SYCP2: variants seen among roughly 807,000 people sequenced by gnomAD.
SYCP2 encodes the protein synaptonemal complex protein 2, also known as synaptonemal complex lateral element protein.
In SYCP2, 55 loss-of-function variants were observed where a neutral mutation model predicts 211.3. The ratio of observed to expected loss-of-function variants is 0.26; its 90% confidence interval spans 0.21 to 0.33. SYCP2 has a LOEUF of 0.33. Ranked by LOEUF, SYCP2 falls within the 10% of genes least tolerant of loss-of-function variation. SYCP2 has a pLI of 1.00. For synonymous variants in SYCP2, 570 were observed against 555.2 expected (o/e 1.03, Z -0.37); for missense variants, 1,731 against 1,752.0 (o/e 0.99, Z 0.21).
intron 15 of SYCP2, among the ~76,000 whole-genome samples, chr20:59,902,121 C>T (rs925549956): frequency 6.6e-6 from 1 of 151,982 alleles, no homozygotes; most frequent in Non-Finnish European, 1.5e-5. Context: ...TCTGAGAATA[C>T]TATTTTCTTA....
At chr20:59,929,281 T>C (rs908054989) in intron 2 of SYCP2, among the ~76,000 whole-genome samples, 2 of 150,440 alleles carry the variant, frequency 1.3e-5, no homozygotes, top group African/African-American at 4.8e-5. Flanking sequence ...ATAAAGGAAA[T>C]TGGAAATCAT....
intron 7 of SYCP2, among the ~76,000 whole-genome samples, chr20:59,918,415 C>A (rs139199588): frequency 6.6e-6 from 1 of 152,256 alleles, no homozygotes; most frequent in African/African-American, 2.4e-5. Context: ...CACAAATTTG[C>A]AGGGAATATA....
chr20:59,917,673 G>A (rs1218416883), intron 7 of SYCP2, among the ~76,000 whole-genome samples: 3 of 151,940 alleles, frequency 2.0e-5, no homozygotes, highest in Admixed American at 2.0e-4. Flanking sequence ...AAGACAACAA[G>A]TACCTTTATT....
At chr20:59,868,385 T>A in intron 38 of SYCP2, 28 bp downstream of exon 38, 1 of 1,589,664 alleles carries the variant, frequency 6.3e-7, no homozygotes, top group South Asian at 1.2e-5. Context: ...AATAACTGCA[T>A]TTTGATACAG....
chr20:59,866,462 CAA>C (rs773381515), intron 40 of SYCP2, 31 bp downstream of exon 40: 31 of 1,581,742 alleles, frequency 2.0e-5, no homozygotes, highest in South Asian at 1.0e-4. Flanking sequence ...ATGTAGCATT[CAA>C]AAGTTTTCAG....
intron 34 of SYCP2, 110 bp from the exon 35 acceptor site, chr20:59,874,171 A>G (rs1173418573): frequency 5.5e-6 from 3 of 543,892 alleles, no homozygotes; most frequent in Non-Finnish European, 9.0e-6. Flanking sequence ...AGATCTTCAA[A>G]TCTTAGCTAT....
chr20:59,901,625 T>C (rs201864644), intron 16 of SYCP2, 37 bp downstream of exon 16: 64 of 1,240,880 alleles, frequency 5.2e-5, no homozygotes, highest in Middle Eastern at 4.0e-4. Flanking sequence ...TCCAGAATTA[T>C]GAAAATAGTA....
At chr20:59,876,152 C>T (rs2145639948) in intron 33 of SYCP2, among the ~76,000 whole-genome samples, 1 of 151,760 alleles carries the variant, frequency 6.6e-6, no homozygotes, top group African/African-American at 2.4e-5. Context: ...GCGGGCAGAT[C>T]ATGAGGTCAA....
intron 31 of SYCP2, among the ~76,000 whole-genome samples, chr20:59,879,862 TAC>T (rs1236840424): frequency 2.8e-4 from 32 of 116,078 alleles, no homozygotes; most frequent in Non-Finnish European, 3.8e-4. Flanking sequence ...TATATATATA[TAC>T]ACACACACAC....
chr20:59,916,933 T>C (rs964697958), intron 7 of SYCP2, among the ~76,000 whole-genome samples: 2 of 151,578 alleles, frequency 1.3e-5, no homozygotes, highest in African/African-American at 2.4e-5. Flanking sequence ...TAAAAATAAA[T>C]AAAGAGTTAG....
intron 35 of SYCP2, among the ~76,000 whole-genome samples, chr20:59,873,091 C>A (rs1419849845): frequency 4.6e-5 from 7 of 152,026 alleles, no homozygotes; most frequent in Non-Finnish European, 8.8e-5. Flanking sequence ...TAGTACCTCA[C>A]CCTATTATAC....
rs1484250938 is a variant in SYCP2, at chr20:59,900,255, T to A, written c.1287A>T (p.Pro429=). ...QILVPESQIS[P]VGEELVSLKE... ...TTAAACTAACGAGCTCTTCTCCGAC[T>A]GGTGAGATTTGACTTTCTGGCACTA... The change falls in exon 18 of 45, where the codon CCA becomes CCT. Residue 429 remains proline (P), a synonymous_variant. Coordinates refer to ENST00000357552, the MANE Select transcript of SYCP2 (RefSeq NM_014258.4). 6.2e-7 allele frequency: 1 copy of A among 1,608,598 alleles called. No homozygotes were observed. The highest frequency in any genetic ancestry group is 1.7e-5 in the Admixed American group (1 of 59,130).
intron 36 of SYCP2, among the ~76,000 whole-genome samples, chr20:59,869,357 T>C (rs1382456491): frequency 6.6e-6 from 1 of 151,792 alleles, no homozygotes; most frequent in Admixed American, 6.6e-5. Flanking sequence ...TACATATACC[T>C]ACCCATCCAC....
At chr20:59,877,283 A>C (rs924578237) in intron 33 of SYCP2, 102 bp downstream of exon 33, 12 of 813,766 alleles carry the variant, frequency 1.5e-5, no homozygotes, top group Non-Finnish European at 2.0e-5. Flanking sequence ...AAAAGAAGTT[A>C]ACTCTTAAGA....
chr20:59,867,587 A>C, intron 39 of SYCP2, 124 bp downstream of exon 39: 1 of 708,950 alleles, frequency 1.4e-6, no homozygotes, highest in South Asian at 2.0e-5. Flanking sequence ...TTCACATATA[A>C]GGAAAGTTGG....
At chr20:59,912,554 T>C (rs1441205967) in intron 12 of SYCP2, 136 bp from the exon 13 acceptor site, 1 of 423,840 alleles carries the variant, frequency 2.4e-6, no homozygotes. Flanking sequence ...CATATTTCCC[T>C]CTTTAATACT....
chr20:59,888,945 A>G (rs887192236), intron 24 of SYCP2, among the ~76,000 whole-genome samples: 1 of 152,072 alleles, frequency 6.6e-6, no homozygotes, highest in African/African-American at 2.4e-5. Context: ...CGAGAGAAAA[A>G]CTACAAAAGT....
intron 31 of SYCP2, among the ~76,000 whole-genome samples, chr20:59,878,601 C>T (rs1246764775): frequency 6.6e-6 from 1 of 152,050 alleles, no homozygotes; most frequent in Admixed American, 6.6e-5. Context: ...CTCCGTGTCC[C>T]TTCTGCTAAA....
rs575276330 is a variant in SYCP2, at chr20:59,877,937, G to A, written c.2979+71C>T. 5.5e-5 allele frequency: 64 copies of A among 1,171,000 alleles called. No homozygotes were observed. The East Asian group carries it at 1.3e-3, about 23-fold the overall frequency. The allele number at this position is 1,171,000 out of a possible 1,614,324, so 72.5% of individuals were successfully genotyped here. On this transcript the variant is annotated intron_variant, in intron 32 of 44. Transcript: ENST00000357552. Reference sequence around the variant, plus strand: ...GATAACAAGGATAAAATTATGAGATGATGAATTATTTTTATATGGCAAGAA... The same window carrying A: ...GATAACAAGGATAAAATTATGAGATAATGAATTATTTTTATATGGCAAGAA...
Sources: allele counts gnomAD v4.1 joint callset (sites outside exome capture counted in the v4.1 genomes callset), GRCh38; gene constraint gnomAD v4.1.1; transcripts MANE v1.5; gene names NCBI Gene and HGNC (gene_info 2026-07-23, HGNC 2026-07-21).